GTF3C3: variants seen among roughly 807,000 people sequenced by gnomAD.
GTF3C3 encodes general transcription factor IIIC subunit 3.
In GTF3C3, 75 loss-of-function variants were observed where a neutral mutation model predicts 105.2. The ratio of observed to expected loss-of-function variants is 0.71; its 90% CI spans 0.59 to 0.86. GTF3C3 has a LOEUF of 0.86. GTF3C3 is among the 40% of genes least tolerant of loss of function. The pLI, the probability that GTF3C3 is intolerant of heterozygous loss-of-function variation, is 0.00. For synonymous variants in GTF3C3, 335 were observed against 370.4 expected (o/e 0.90, Z 1.10); for missense variants, 856 against 1,076.5 (o/e 0.80, Z 2.87).
intron 17 of GTF3C3, among the ~76,000 whole-genome samples, chr2:196,765,530 A>G (rs1285958563): frequency 6.6e-6 from 1 of 150,826 alleles, no homozygotes; most frequent in Non-Finnish European, 1.5e-5. Context: ...TATACATATA[A>G]AAATATATAT....
In GTF3C3 at chr2:196,784,852, A is replaced by T; in HGVS notation, c.1114+5T>A. 8 of 1,606,398 alleles carry T rather than the reference A, an allele frequency of 5.0e-6. No homozygotes were observed. Among genetic ancestry groups the T allele is most frequent in the Non-Finnish European group, 6.8e-6 (8 of 1,177,064 alleles). On this transcript the variant is annotated splice_donor_5th_base_variant and intron_variant, in intron 8 of 17. Transcript: ENST00000263956. ...TACACTTTCCTAAGCAGAGGAAACTACAACCTTTATTCTCTTCTGAGGTGC... is the reference window on the plus strand; with the variant it reads ...TACACTTTCCTAAGCAGAGGAAACTTCAACCTTTATTCTCTTCTGAGGTGC...
chr2:196,779,618 G>T (rs541380742), intron 9 of GTF3C3, among the ~76,000 whole-genome samples: 1 of 152,174 alleles, frequency 6.6e-6, no homozygotes, highest in Admixed American at 6.5e-5. Context: ...CCAGCACAAC[G>T]TCTTGTGCCT....
chr2:196,784,462 C>A (rs1043743704), intron 8 of GTF3C3, among the ~76,000 whole-genome samples: 1 of 152,040 alleles, frequency 6.6e-6, no homozygotes, highest in Non-Finnish European at 1.5e-5. Flanking sequence ...TTAGTTTCTA[C>A]TTATTATGTG....
rs754008871 is a variant in GTF3C3, at chr2:196,779,118, A to ATC, written c.1219-53_1219-52dup. 1.5e-5 allele frequency: 21 copies of ATC among 1,409,498 alleles called. No homozygotes were observed. The African/African-American group carries it at 2.9e-4, about 19-fold the overall frequency. 87.3% of individuals were successfully genotyped at this position (1,409,498 alleles called of 1,614,324 possible). On this transcript the variant is annotated intron_variant, in intron 9 of 17. Transcript: ENST00000263956. ...TTAAACATTCATTACAAACGTGCACATCTATCTATAGCTTTTTTTTTTTTT... is the reference window on the plus strand; with the variant it reads ...TTAAACATTCATTACAAACGTGCACATCTCTATCTATAGCTTTTTTTTTTTTT...
In GTF3C3 at chr2:196,764,480, G is replaced by T; in HGVS notation, c.*83C>A. 8.5e-7 allele frequency: 1 copy of T among 1,175,932 alleles called. No homozygotes were observed. The highest frequency in any genetic ancestry group is 1.2e-6 in the Non-Finnish European group (1 of 855,058). 72.8% of individuals were successfully genotyped at this position (1,175,932 alleles called of 1,614,324 possible). ...TTCTGAAATTGTCATTTCTATTTTGGAGTTACAAATAATAAGCCCTGAGAC... is the reference window on the plus strand; with the variant it reads ...TTCTGAAATTGTCATTTCTATTTTGTAGTTACAAATAATAAGCCCTGAGAC... On this transcript the variant is annotated 3_prime_UTR_variant, in exon 18 of 18. Transcript: ENST00000263956.
intron 15 of GTF3C3, among the ~76,000 whole-genome samples, chr2:196,770,854 T>A (rs1699160913): frequency 6.6e-6 from 1 of 152,156 alleles, no homozygotes; most frequent in African/African-American, 2.4e-5. Flanking sequence ...ATTTTTATTT[T>A]CTTAATATAA....
Position 196,784,874 on chromosome 2 carries a change from G to A in GTF3C3, c.1097C>T (p.Thr366Ile), listed in dbSNP as rs1223568524. Residue 366 changes from threonine (T) to isoleucine (I), a missense_variant, in exon 8 of 18, where the codon ACC (threonine) becomes ATC (isoleucine). By Grantham distance (89) the Thr-to-Ile change is moderately conservative. This residue lies in a region of GTF3C3 where 605 missense variants were observed against 833.6 expected (regional missense o/e 0.73). Coordinates refer to ENST00000263956, the MANE Select transcript of GTF3C3 (RefSeq NM_012086.5). Reference protein sequence around the residue: ...VLEKKTSEEGTSEENKAPENV... With the variant: ...VLEKKTSEEGISEENKAPENV... ...ACTACAACCTTTATTCTCTTCTGAG[G>A]TGCCTTCTTCTGAAGTTTTTTTTTC... The A allele has an allele frequency of 6.2e-7, 1 of 1,611,344 alleles. No individual in the cohort carries two copies. Among genetic ancestry groups the A allele is most frequent in the Non-Finnish European group, 8.5e-7 (1 of 1,178,504 alleles).
chr2:196,773,576 G>A (rs57710891), intron 13 of GTF3C3: 4,711 of 349,818 alleles, frequency 0.013, 195 homozygotes, highest in African/African-American at 0.093. Flanking sequence ...TAAGAAGGAT[G>A]GTTTCAGGAT....
intron 9 of GTF3C3, among the ~76,000 whole-genome samples, chr2:196,779,495 C>T (rs1355003871): frequency 1.3e-5 from 2 of 152,144 alleles, no homozygotes; most frequent in Non-Finnish European, 2.9e-5. Flanking sequence ...CTGTTCACTT[C>T]TGCCATCTTT....
At chr2:196,789,591 A>C (rs1699512129) in intron 5 of GTF3C3, among the ~76,000 whole-genome samples, 1 of 152,212 alleles carries the variant, frequency 6.6e-6, no homozygotes. Context: ...TGGTCAATCT[A>C]GTCTGATGTT....
chr2:196,768,350 A>C (rs963280811), intron 16 of GTF3C3, among the ~76,000 whole-genome samples: 15 of 152,186 alleles, frequency 9.9e-5, no homozygotes, highest in African/African-American at 3.6e-4. Flanking sequence ...AAAAGAAAAG[A>C]GTTCTTTTGA....
chr2:196,774,235 T>C (rs62185600), intron 13 of GTF3C3, among the ~76,000 whole-genome samples: 1 of 152,148 alleles, frequency 6.6e-6, no homozygotes, highest in Non-Finnish European at 1.5e-5. Context: ...TGGACAAATC[T>C]GTATGTATGA....
intron 3 of GTF3C3, 149 bp downstream of exon 3, chr2:196,792,807 A>G (rs886205753): frequency 3.1e-6 from 2 of 645,368 alleles, no homozygotes; most frequent in African/African-American, 1.9e-5. Flanking sequence ...ACATTATCTA[A>G]TAGGAAACAT....
intron 7 of GTF3C3, 23 bp downstream of exon 7, chr2:196,785,394 CAGAAACACATGCAAAACTTAACAG>C (rs140040626): frequency 0.078 from 116,175 of 1,488,648 alleles, 5,509 homozygotes; most frequent in African/African-American, 0.17. Context: ...TTCCAGAACA[CAGAAACACATGCAAAACTTAACAG>C]AGAAACACAT....
intron 2 of GTF3C3, among the ~76,000 whole-genome samples, chr2:196,794,853 C>G (rs1311155101): frequency 6.6e-6 from 1 of 150,952 alleles, no homozygotes; most frequent in Non-Finnish European, 1.5e-5. Flanking sequence ...CTCAGCCTCC[C>G]GAATAGCTGG....
chr2:196,782,793 T>C (rs1322538670), intron 8 of GTF3C3, among the ~76,000 whole-genome samples: 1 of 152,190 alleles, frequency 6.6e-6, no homozygotes, highest in African/African-American at 2.4e-5. Context: ...ATCAGGTAAG[T>C]ATGGAGATTG....
chr2:196,785,528 T>C lies in GTF3C3; in HGVS notation c.954A>G (p.Ser318=). The part of the protein sequence containing the change: ...SAINIIDEAF[S]KHQGLVSMED... ...CCATGGAGACTAGGCCCTGGTGTTT[T>C]GAGAAAGCTTCATCAATTATGTTAA... Residue 318 remains serine (S), a synonymous_variant, in exon 7 of 18, where the codon TCA becomes TCG. Coordinates refer to ENST00000263956, the MANE Select transcript of GTF3C3 (RefSeq NM_012086.5). The C allele has an allele frequency of 6.2e-7, 1 of 1,608,846 alleles. No individual in the cohort carries two copies. Among genetic ancestry groups the C allele is most frequent in the Non-Finnish European group, 8.5e-7 (1 of 1,175,606 alleles).
At chr2:196,781,357 A>AAAAAAAAAAAATATAT in intron 8 of GTF3C3, among the ~76,000 whole-genome samples, 1 of 18,820 alleles carries the variant, frequency 5.3e-5, no homozygotes, top group African/African-American at 1.0e-4. Context: ...AAAAAAAAAA[A>AAAAAAAAAAAATATAT]ATATATATAT....
At position 196,793,047 on chromosome 2, in the gene GTF3C3, T is replaced by A; in HGVS notation, c.320A>T (p.Glu107Val). 1 of 1,613,704 alleles carries A rather than the reference T, an allele frequency of 6.2e-7. No homozygotes were observed. Among genetic ancestry groups the A allele is most frequent in the Non-Finnish European group, 8.5e-7 (1 of 1,179,754 alleles). The change falls in exon 3 of 18, where the codon GAG becomes GTG. Residue 107 changes from glutamate to valine, a missense_variant. By Grantham distance (121) the Glu-to-Val change is moderately radical. Coordinates refer to ENST00000263956, the MANE Select transcript of GTF3C3 (RefSeq NM_012086.5). ...TTGCTCAGGTGTTTCTTCCTCCTCCTCCTCCTCCTCCTCTTCTTCCTCTTC... is the reference window on the plus strand; with the variant it reads ...TTGCTCAGGTGTTTCTTCCTCCTCCACCTCCTCCTCCTCTTCTTCCTCTTC... ...EEEEEEEEEEEEEEETPEQPT... is the reference protein window; with the variant it reads ...EEEEEEEEEEVEEEETPEQPT...
Sources: allele counts gnomAD v4.1 joint callset (sites outside exome capture counted in the v4.1 genomes callset), GRCh38; gene constraint gnomAD v4.1.1; regional missense constraint gnomAD v4.1.1; transcripts MANE v1.5; gene names NCBI Gene and HGNC (gene_info 2026-07-23, HGNC 2026-07-21).